BAIAP2L1: variants seen among roughly 807,000 people sequenced by gnomAD.
The protein encoded by BAIAP2L1 is BAR/IMD domain containing adaptor protein 2 like 1.
BAIAP2L1 carries 35 observed loss-of-function variants against 66.3 expected under a neutral mutation model. That is an observed-to-expected ratio of 0.53 (90% CI 0.40 to 0.70). The LOEUF is 0.70. Ranked by LOEUF, BAIAP2L1 falls within the 30% of genes least tolerant of loss-of-function variation. BAIAP2L1 has a pLI of 0.00. For synonymous variants in BAIAP2L1, 269 were observed against 248.7 expected, an observed-to-expected ratio of 1.08 and a Z score of -0.77; for missense variants, 622 against 656.9, an observed-to-expected ratio of 0.95 and a Z score of 0.58.
intron 9 of BAIAP2L1, chr7:98,308,933 C>A (rs1258540472): frequency 6.6e-6 from 1 of 152,156 alleles, no homozygotes; most frequent in African/African-American, 2.4e-5. Context: ...CCCAGCTTGG[C>A]CTCCCAAAGT....
intron 1 of BAIAP2L1, among the ~76,000 whole-genome samples, chr7:98,362,783 C>G (rs3801256): frequency 0.38 from 57,583 of 152,022 alleles, 12,422 homozygotes; most frequent in Middle Eastern, 0.54. Flanking sequence ...GGTTCTCATT[C>G]TAGTGTTAAG....
chr7:98,312,018 C>T, intron 8 of BAIAP2L1, 79 bp downstream of exon 8: 1 of 1,421,082 alleles, frequency 7.0e-7, no homozygotes, highest in South Asian at 1.4e-5. Flanking sequence ...CCTGTGATTC[C>T]CACCAACACA....
intron 2 of BAIAP2L1, among the ~76,000 whole-genome samples, chr7:98,362,067 G>A (rs1405891683): frequency 6.6e-6 from 1 of 152,156 alleles, no homozygotes; most frequent in Non-Finnish European, 1.5e-5. Context: ...AATGTCTCAT[G>A]TACACATTTT....
chr7:98,389,890 T>C lies in BAIAP2L1; in HGVS notation c.51+10912A>G, dbSNP rs1802985837. ...TTTCAATTTTGTTCAGCTAGTTGCC[T>C]GTTGCACGTGTAGTCTTGGGTTAGT... On this transcript the variant is annotated intron_variant, in intron 1 of 13. Transcript: ENST00000005260. 2.0e-5 allele frequency among the ~76,000 whole-genome samples: 3 copies of C among 152,032 alleles called. No homozygotes were observed. In the South Asian group the frequency reaches 6.2e-4, roughly 32 times the overall value.
chr7:98,369,611 C>T (rs945817693), intron 1 of BAIAP2L1, among the ~76,000 whole-genome samples: 2 of 151,124 alleles, frequency 1.3e-5, no homozygotes, highest in African/African-American at 4.9e-5. Flanking sequence ...TTCTTTCCTG[C>T]GGATATTCCT....
At chr7:98,349,775 C>T (rs953465384) in intron 3 of BAIAP2L1, among the ~76,000 whole-genome samples, 2 of 151,172 alleles carry the variant, frequency 1.3e-5, no homozygotes, top group South Asian at 2.1e-4. Flanking sequence ...TTTGGGAGGC[C>T]GATGGGAAGT....
At chr7:98,366,463 T>A (rs1251914661) in intron 1 of BAIAP2L1, among the ~76,000 whole-genome samples, 1 of 152,132 alleles carries the variant, frequency 6.6e-6, no homozygotes, top group Admixed American at 6.5e-5. Flanking sequence ...TCAGTTTCCA[T>A]CAGACTCCTT....
At chr7:98,340,304 T>C (rs535685646) in intron 3 of BAIAP2L1, among the ~76,000 whole-genome samples, 2 of 152,314 alleles carry the variant, frequency 1.3e-5, no homozygotes, top group East Asian at 1.9e-4. Flanking sequence ...CTTTATTTTT[T>C]TGAGACAGAG....
chr7:98,304,227 G>T lies in BAIAP2L1; in HGVS notation c.1391C>A (p.Ala464Asp), dbSNP rs1800542834. The T allele has an allele frequency of 6.2e-7, 1 of 1,611,048 alleles. No homozygotes were observed. Among genetic ancestry groups the T allele is most frequent in the East Asian group, 2.2e-5 (1 of 44,798 alleles). ...CGCGGTCTCGGGCTTGGACGCTGGGGCCTTAAAGGTGGATGTCGTCCTGGC... is the reference window on the plus strand; with the variant it reads ...CGCGGTCTCGGGCTTGGACGCTGGGTCCTTAAAGGTGGATGTCGTCCTGGC... The part of the protein sequence containing the change: ...DSARTTSTFK[A>D]PASKPETAAP... Residue 464 changes from alanine to aspartate, a missense_variant, in exon 12 of 14, where the codon GCC becomes GAC. By Grantham distance (126) the Ala-to-Asp change is moderately radical (BLOSUM62 -2). Coordinates refer to ENST00000005260, the MANE Select transcript of BAIAP2L1 (RefSeq NM_018842.5).
chr7:98,306,409 C>T, intron 11 of BAIAP2L1, 30 bp downstream of exon 11: 4 of 1,612,942 alleles, frequency 2.5e-6, no homozygotes, highest in Non-Finnish European at 3.4e-6. Context: ...GTTTCTGTCA[C>T]CGGGAGAGCT....
intron 1 of BAIAP2L1, among the ~76,000 whole-genome samples, chr7:98,378,106 G>A (rs1019246340): frequency 8.0e-5 from 12 of 150,674 alleles, no homozygotes; most frequent in African/African-American, 2.0e-4. Flanking sequence ...CTGGGATTGT[G>A]CCATTGCACT....
chr7:98,355,210 CT>C lies in BAIAP2L1; in HGVS notation c.128-83del, dbSNP rs962657519. The stretch of plus-strand genomic sequence containing the variant: ...ACACAAGTTTTCTTCCAAACACCCC[CT>C]GGTCCCTTCTGGCTGCAGGAAGGTT... On this transcript the variant is annotated intron_variant, in intron 2 of 13. Transcript: ENST00000005260. The C allele has an allele frequency of 1.4e-4, 127 of 925,872 alleles. 1 individual carries two copies. The South Asian group carries it at 1.7e-3, about 12-fold the overall frequency. The allele number at this position is 925,872 out of a possible 1,614,324, so 57.4% of individuals were successfully genotyped here.
At chr7:98,310,905 C>A (rs1443794371) in intron 8 of BAIAP2L1, among the ~76,000 whole-genome samples, 1 of 151,986 alleles carries the variant, frequency 6.6e-6, no homozygotes, top group Non-Finnish European at 1.5e-5. Flanking sequence ...AGGCTGGTCT[C>A]AAACTTCTGA....
intron 1 of BAIAP2L1, chr7:98,400,189 T>C (rs568774379): frequency 6.9e-6 from 1 of 145,264 alleles, no homozygotes; most frequent in African/African-American, 2.6e-5. Flanking sequence ...GCACTAGTTG[T>C]AAAATGTGTA....
chr7:98,317,428 C>T, intron 5 of BAIAP2L1, 72 bp from the exon 6 acceptor site: 1 of 1,579,476 alleles, frequency 6.3e-7, no homozygotes, highest in South Asian at 1.1e-5. Flanking sequence ...CCTTTACTCA[C>T]ACTTCCACTG....
chr7:98,399,313 C>A (rs1354169813), intron 1 of BAIAP2L1, among the ~76,000 whole-genome samples: 3 of 152,170 alleles, frequency 2.0e-5, no homozygotes, highest in Non-Finnish European at 4.4e-5. Flanking sequence ...ACAGTATACA[C>A]TTTGTGTGTT....
chr7:98,395,425 C>A (rs1472704249), intron 1 of BAIAP2L1, among the ~76,000 whole-genome samples: 25 of 131,282 alleles, frequency 1.9e-4, no homozygotes, highest in Non-Finnish European at 9.6e-5. Flanking sequence ...GGCGACAGAG[C>A]AAGACTGTCT....
intron 3 of BAIAP2L1, among the ~76,000 whole-genome samples, chr7:98,323,635 C>T (rs1584457097): frequency 2.0e-5 from 3 of 152,226 alleles, no homozygotes; most frequent in Admixed American, 6.5e-5. Flanking sequence ...CCTCTGGGCA[C>T]GCTCCATGCT....
intron 2 of BAIAP2L1, among the ~76,000 whole-genome samples, chr7:98,357,371 G>A (rs554573948): frequency 4.0e-5 from 6 of 150,378 alleles, no homozygotes; most frequent in East Asian, 3.9e-4. Context: ...GATTAAGACC[G>A]TCCTGGCCAA....
Sources: gnomAD v4.1 joint callset for allele counts (sites outside exome capture counted in the v4.1 genomes callset) on GRCh38, gnomAD v4.1.1 for gene constraint, MANE v1.5 for transcripts, NCBI Gene and HGNC (gene_info 2026-07-23, HGNC 2026-07-21) for gene names.